Variants in ADAMTS12 observed in about 807,000 individuals in gnomAD.
ADAMTS12 encodes ADAM metallopeptidase with thrombospondin type 1 motif 12.
ADAMTS12 carries 118 observed loss-of-function variants against 167.8 expected under a neutral mutation model. The observed-to-expected ratio is 0.70, with a 90% CI of 0.61 to 0.82. ADAMTS12 has a LOEUF of 0.82. Ranked by LOEUF, ADAMTS12 falls within the 40% of genes least tolerant of loss-of-function variation. ADAMTS12 has a pLI of 0.00. For synonymous variants in ADAMTS12, 704 were observed against 716.9 expected (o/e 0.98, Z 0.29); for missense variants, 1,916 against 1,998.8 (o/e 0.96, Z 0.79).
rs376458355 is a variant in ADAMTS12, at chr5:33,732,299, T to C, written c.634+19105A>G. Among the ~76,000 whole-genome samples, 239 of 152,128 alleles carry C rather than the reference T, an allele frequency of 1.6e-3. 9 individuals are homozygous for C. In the South Asian group the frequency reaches 0.048, roughly 31 times the overall value. The stretch of plus-strand genomic sequence containing the variant: ...AGAATGGAAAAGGACTTTGTAAGCA[T>C]AAAAAGAATGGAGGAAATCAGAAAG... On this transcript the variant is annotated intron_variant, in intron 3 of 23. Transcript: ENST00000504830.
intron 1 of ADAMTS12, among the ~76,000 whole-genome samples, chr5:33,882,882 A>G (rs1339382991): frequency 6.6e-6 from 1 of 152,204 alleles, no homozygotes; most frequent in African/African-American, 2.4e-5. Context: ...AGATAAACTA[A>G]TATTTTGAAA....
chr5:33,710,016 C>A (rs971896200), intron 3 of ADAMTS12, among the ~76,000 whole-genome samples: 6 of 152,120 alleles, frequency 3.9e-5, no homozygotes, highest in African/African-American at 1.4e-4. Flanking sequence ...GTTACAATCA[C>A]TTAAACTCTT....
chr5:33,593,088 C>T (rs1240896977), intron 17 of ADAMTS12, among the ~76,000 whole-genome samples: 1 of 152,092 alleles, frequency 6.6e-6, no homozygotes, highest in African/African-American at 2.4e-5. Flanking sequence ...ACCAGCCTGG[C>T]CAACATGGTG....
chr5:33,616,168 C>T (rs1044760637), intron 14 of ADAMTS12, 96 bp from the exon 15 acceptor site: 26 of 1,500,016 alleles, frequency 1.7e-5, no homozygotes, highest in Non-Finnish European at 2.0e-5. Context: ...TTCCAGCCTC[C>T]CCATCATTTA....
In ADAMTS12 at chr5:33,526,702, T is replaced by C. The variant is rs141034975; in HGVS notation, c.*486A>G. 345 of 154,844 alleles carry C rather than the reference T, an allele frequency of 2.2e-3. 1 individual carries two copies. Among genetic ancestry groups the C allele is most frequent in the Non-Finnish European group, 2.6e-3 (184 of 69,776 alleles). The allele number at this position is 154,844 out of a possible 1,614,324, so 9.6% of individuals were successfully genotyped here. Reference sequence around the variant, plus strand: ...CTGCCTGGATGAATTAAAGGAATGTTCCTAAAGCTCCGCTGTGACATTTTA... The same window carrying C: ...CTGCCTGGATGAATTAAAGGAATGTCCCTAAAGCTCCGCTGTGACATTTTA... On this transcript the variant is annotated 3_prime_UTR_variant, in exon 24 of 24. Coordinates refer to ENST00000504830, the MANE Select transcript of ADAMTS12 (RefSeq NM_030955.4).
At chr5:33,884,921 T>A (rs1750583937) in intron 1 of ADAMTS12, among the ~76,000 whole-genome samples, 1 of 152,170 alleles carries the variant, frequency 6.6e-6, no homozygotes, top group South Asian at 2.1e-4. Context: ...GACTGACTGA[T>A]TTAAAGGGAG....
intron 2 of ADAMTS12, among the ~76,000 whole-genome samples, chr5:33,774,184 C>T (rs1188915609): frequency 1.3e-5 from 2 of 152,150 alleles, no homozygotes; most frequent in African/African-American, 4.8e-5. Context: ...TTATTAGGTG[C>T]TTCCTGTATG....
chr5:33,539,067 G>T (rs149777833), intron 22 of ADAMTS12, among the ~76,000 whole-genome samples: 1 of 152,000 alleles, frequency 6.6e-6, no homozygotes, highest in Non-Finnish European at 1.5e-5. Flanking sequence ...TCAGCCTCCG[G>T]AGTAGCTGGG....
At chr5:33,798,434 C>CTTTTTTTTT (rs3037113) in intron 2 of ADAMTS12, among the ~76,000 whole-genome samples, 19 of 69,276 alleles carry the variant, frequency 2.7e-4, no homozygotes, top group East Asian at 1.8e-3. Flanking sequence ...TTCTTTGTAT[C>CTTTTTTTTT]TTTTTTTTTT....
chr5:33,655,172 C>G (rs1171353839), intron 7 of ADAMTS12, among the ~76,000 whole-genome samples: 2 of 152,008 alleles, frequency 1.3e-5, no homozygotes, highest in African/African-American at 4.8e-5. Context: ...ATTTAATGCC[C>G]CTGAGTAAGT....
chr5:33,629,755 T>G lies in ADAMTS12; in HGVS notation c.2022+1025A>C, dbSNP rs545737603. Among the ~76,000 whole-genome samples, 19 of 152,328 alleles carry G rather than the reference T, an allele frequency of 1.2e-4. No individual in the cohort carries two copies. In the South Asian group the frequency reaches 3.7e-3, roughly 30 times the overall value. The stretch of plus-strand genomic sequence containing the variant: ...ATTTAAAAACAATTTTGCAATTCTC[T>G]TCAACTTCTTTCCTTTAAAAATTTT... On this transcript the variant is annotated intron_variant, in intron 13 of 23. Transcript: ENST00000504830.
rs1743749639 is a variant in ADAMTS12, at chr5:33,525,007, A to C, written c.*2181T>G. On this transcript the variant is annotated 3_prime_UTR_variant, in exon 24 of 24. Coordinates refer to ENST00000504830, the MANE Select transcript of ADAMTS12 (RefSeq NM_030955.4). ...CAGTAGGAATCTGAGTTTGTTCCTG[A>C]GTTTTGTAAGCCTGGTCATACCCAG... The C allele has an allele frequency of 6.6e-6, 1 of 152,190 alleles. No homozygotes were observed. Among genetic ancestry groups the C allele is most frequent in the Admixed American group, 6.5e-5 (1 of 15,278 alleles). 9.4% of individuals were successfully genotyped at this position (152,190 alleles called of 1,614,324 possible). A position where few individuals can be genotyped will look rare whatever the true frequency, so the allele number is the denominator to read the frequency against.
chr5:33,554,045 A>G (rs1745379859), intron 20 of ADAMTS12, among the ~76,000 whole-genome samples: 2 of 152,210 alleles, frequency 1.3e-5, no homozygotes, highest in South Asian at 4.1e-4. Context: ...AAATGAATAG[A>G]AGAAATAAAG....
At chr5:33,881,598 G>C in intron 1 of ADAMTS12, 118 bp from the exon 2 acceptor site, 2 of 1,411,864 alleles carry the variant, frequency 1.4e-6, no homozygotes, top group Non-Finnish European at 1.9e-6. Flanking sequence ...TTTTGCTCTT[G>C]TTTCCCAGGC....
At chr5:33,552,391 A>T (rs763021009) in intron 20 of ADAMTS12, among the ~76,000 whole-genome samples, 32 of 152,192 alleles carry the variant, frequency 2.1e-4, no homozygotes, top group Non-Finnish European at 4.4e-4. Flanking sequence ...TTGGTATTCA[A>T]AAGAGGATAA....
At position 33,588,592 on chromosome 5, in the gene ADAMTS12, A is replaced by C. The variant is rs1204205447; in HGVS notation, c.2865+7T>G. On this transcript the variant is annotated splice_region_variant and intron_variant, in intron 18 of 23. Transcript: ENST00000504830. The stretch of plus-strand genomic sequence containing the variant: ...ATGCCAGTTTCCCCGCCGAGCCCTG[A>C]GCTCACCTCACTCCAGTTGCCCACT... 31 of 1,613,810 alleles carry C rather than the reference A, an allele frequency of 1.9e-5. No individual in the cohort carries two copies. The highest frequency in any genetic ancestry group is 3.3e-4 in the Middle Eastern group (2 of 6,060).
At chr5:33,755,649 C>T (rs886453505) in intron 2 of ADAMTS12, among the ~76,000 whole-genome samples, 2 of 152,210 alleles carry the variant, frequency 1.3e-5, no homozygotes, top group East Asian at 3.8e-4. Flanking sequence ...CCACCCCATG[C>T]TGTTGTGCCT....
At chr5:33,748,689 T>C (rs1297828912) in intron 3 of ADAMTS12, among the ~76,000 whole-genome samples, 3 of 152,172 alleles carry the variant, frequency 2.0e-5, no homozygotes, top group Non-Finnish European at 4.4e-5. Context: ...GCTCCATATA[T>C]GGTAAAGGTG....
chr5:33,624,475 A>G, intron 13 of ADAMTS12, 124 bp from the exon 14 acceptor site: 1 of 1,376,468 alleles, frequency 7.3e-7, no homozygotes, highest in East Asian at 2.5e-5. Flanking sequence ...AGGTACAAGG[A>G]CAAATGTTTG....
Sources: gnomAD v4.1 joint callset for allele counts (sites outside exome capture counted in the v4.1 genomes callset) on GRCh38, gnomAD v4.1.1 for gene constraint, MANE v1.5 for transcripts, NCBI Gene and HGNC (gene_info 2026-07-23, HGNC 2026-07-21) for gene names.